Variants in ELP1 observed in about 807,000 individuals in gnomAD.
The protein encoded by ELP1 is elongator complex protein 1.
Under a neutral mutation model 183.2 loss-of-function variants are expected in ELP1, and 131 were observed. That is an observed-to-expected ratio of 0.72 (90% CI 0.62 to 0.83). The LOEUF (loss-of-function observed/expected upper bound fraction) is 0.83, where lower values mean the gene tolerates loss of function less well. ELP1 is among the 40% of genes least tolerant of loss of function. The pLI is 0.00. For missense variants in ELP1, 1,550 were observed against 1,594.9 expected (o/e 0.97, Z 0.48); for synonymous variants, 555 against 569.0 (o/e 0.98, Z 0.35).
chr9:108,887,494 G>T (rs994601871), intron 29 of ELP1, among the ~76,000 whole-genome samples: 1 of 152,138 alleles, frequency 6.6e-6, no homozygotes, highest in Non-Finnish European at 1.5e-5. Context: ...GTTTAGCAAG[G>T]TTGCAGGATA....
At chr9:108,870,078 C>T (rs761714049) in intron 36 of ELP1, among the ~76,000 whole-genome samples, 31 of 152,088 alleles carry the variant, frequency 2.0e-4, no homozygotes, top group Non-Finnish European at 3.7e-4. Context: ...TGGGTTCAAG[C>T]GATTCTCCTG....
rs1435349703 is a variant in ELP1 at position 108,932,940 on chromosome 9, T to C, written c.-56+924A>G. 3.3e-5 allele frequency among the ~76,000 whole-genome samples: 5 copies of C among 152,226 alleles called. No homozygotes were observed. The East Asian group carries it at 9.6e-4, about 29-fold the overall frequency. On this transcript the variant is annotated intron_variant, in intron 1 of 36. Transcript: ENST00000374647. ...CGTGGATTCTCTCTTAATTTCCTGA[T>C]AACTGCTTCATTTTCTTCCCTTGCT... is the stretch of plus-strand genomic sequence containing the variant.
intron 29 of ELP1, among the ~76,000 whole-genome samples, chr9:108,887,231 A>C (rs926749610): frequency 5.9e-5 from 9 of 152,136 alleles, no homozygotes; most frequent in Non-Finnish European, 1.2e-4. Flanking sequence ...ATATAGAATA[A>C]AATTTTAAAA....
At position 108,878,733 on chromosome 9, in the gene ELP1, C is replaced by T. The variant is rs886063345; in HGVS notation, c.3590G>A (p.Arg1197His). ...GTGCTTCTTCCGCTCCGCTTTTCGG[C>T]GATTCTTGGATGATCTCCTGTTAGA... ...SRISARSSKNRRKAERKKHSL... is the reference protein window; with the variant it reads ...SRISARSSKNHRKAERKKHSL... Residue 1197 changes from arginine to histidine, a missense_variant, in exon 34 of 37, where the codon CGC becomes CAC. By Grantham distance (29) the Arg-to-His change is conservative. Transcript: ENST00000374647. 5.0e-6 allele frequency: 8 copies of T among 1,614,012 alleles called. No homozygotes were observed. Among genetic ancestry groups the T allele is most frequent in the Non-Finnish European group, 6.8e-6 (8 of 1,180,034 alleles).
chr9:108,885,504 T>C (rs917585407), intron 29 of ELP1, among the ~76,000 whole-genome samples: 1 of 84,084 alleles, frequency 1.2e-5, no homozygotes, highest in Non-Finnish European at 2.4e-5. Flanking sequence ...CTAAAGTAAC[T>C]GAACTAATAG....
intron 36 of ELP1, among the ~76,000 whole-genome samples, chr9:108,870,423 T>C (rs1827405753): frequency 6.6e-6 from 1 of 152,220 alleles, no homozygotes; most frequent in Non-Finnish European, 1.5e-5. Flanking sequence ...AAAGAAAATA[T>C]TAAGAAAATC....
In ELP1 at chr9:108,868,842, C is replaced by T. The variant is rs990260057; in HGVS notation, c.*273G>A. The T allele has an allele frequency of 1.2e-5, 7 of 594,814 alleles. No individual in the cohort carries two copies. The highest frequency in any genetic ancestry group is 1.9e-5 in the African/African-American group (1 of 53,804). The allele number at this position is 594,814 out of a possible 1,614,324, so 36.8% of individuals were successfully genotyped here. A position where few individuals can be genotyped will look rare whatever the true frequency, so the allele number is the denominator to read the frequency against. On this transcript the variant is annotated 3_prime_UTR_variant, in exon 37 of 37. Coordinates refer to ENST00000374647, the MANE Select transcript of ELP1 (RefSeq NM_003640.5). ...TAATCTCATGATTACCATAATTATG[C>T]TCTCAAACAGCCCAAGTGAAAGAAC...
At chr9:108,888,409 T>C (rs1167433279) in intron 29 of ELP1, among the ~76,000 whole-genome samples, 1 of 152,250 alleles carries the variant, frequency 6.6e-6, no homozygotes, top group African/African-American at 2.4e-5. Flanking sequence ...ATGTAAATTA[T>C]ACAACTGTAC....
At chr9:108,917,203 C>T (rs1191174116) in intron 9 of ELP1, among the ~76,000 whole-genome samples, 1 of 152,190 alleles carries the variant, frequency 6.6e-6, no homozygotes, top group Non-Finnish European at 1.5e-5. Flanking sequence ...CGTGGTGGCT[C>T]ACGCCTGTAA....
At chr9:108,932,681 C>G (rs1830037250) in intron 1 of ELP1, among the ~76,000 whole-genome samples, 1 of 152,072 alleles carries the variant, frequency 6.6e-6, no homozygotes, top group South Asian at 2.1e-4. Flanking sequence ...CGCCTCAAAA[C>G]TAGTTTCTCT....
rs1442524577 is a variant in ELP1, at chr9:108,917,639, C to T, written c.772G>A (p.Asp258Asn). ...PSGSLIASTQ[D>N]KPNQQDIVFF... The stretch of plus-strand genomic sequence containing the variant: ...ACAATATCCTGCTGGTTGGGTTTAT[C>T]TTGTGTAGATGCAATCAAACTGCCT... Residue 258 changes from aspartate (D) to asparagine (N), a missense_variant, in exon 9 of 37, where the codon GAT becomes AAT. Transcript: ENST00000374647. 1 of 1,614,010 alleles carries T rather than the reference C, an allele frequency of 6.2e-7. No individual in the cohort carries two copies. Among genetic ancestry groups the T allele is most frequent in the African/African-American group, 1.3e-5 (1 of 75,014 alleles).
chr9:108,872,142 C>T (rs146404235), intron 36 of ELP1, among the ~76,000 whole-genome samples: 3 of 152,272 alleles, frequency 2.0e-5, no homozygotes, highest in East Asian at 1.9e-4. Context: ...AAAAAATACA[C>T]GACAATGCAA....
At chr9:108,892,465 G>A (rs573407568) in intron 27 of ELP1, among the ~76,000 whole-genome samples, 2 of 152,324 alleles carry the variant, frequency 1.3e-5, no homozygotes, top group East Asian at 3.9e-4. Context: ...TTAATGGCAT[G>A]GGCAGGGTGG....
At chr9:108,916,112 G>A (rs1040707963) in intron 10 of ELP1, 92 bp downstream of exon 10, 39 of 945,626 alleles carry the variant, frequency 4.1e-5, no homozygotes, top group Non-Finnish European at 8.8e-6. Context: ...TCTACTAAGG[G>A]ACTAAGTAGA....
intron 32 of ELP1, 49 bp downstream of exon 32, chr9:108,880,001 TAC>T: frequency 8.6e-7 from 1 of 1,159,302 alleles, no homozygotes; most frequent in Non-Finnish European, 1.3e-6. Flanking sequence ...TGTGTGGCGT[TAC>T]CCAACCCCAC....
At chr9:108,895,831 T>C (rs1290837747) in intron 25 of ELP1, among the ~76,000 whole-genome samples, 1 of 152,178 alleles carries the variant, frequency 6.6e-6, no homozygotes, top group Non-Finnish European at 1.5e-5. Context: ...CCTTCTGTGC[T>C]CCATGTGCCC....
Position 108,897,149 on chromosome 9 carries a change from T to TA in ELP1, c.2499dup (p.Lys834Ter), listed in dbSNP as rs767527819. 1.3e-5 allele frequency: 21 copies of TA among 1,614,150 alleles called. No homozygotes were observed. Among genetic ancestry groups the TA allele is most frequent in the Non-Finnish European group, 1.6e-5 (19 of 1,180,014 alleles). Reference sequence around the variant, plus strand: ...GCCACCTGGTGACAGCATACATACTTATGAGGATTTATGCTCTCCATGACT... The same window carrying TA: ...GCCACCTGGTGACAGCATACATACTTAATGAGGATTTATGCTCTCCATGACT... On this transcript the variant is annotated frameshift_variant and splice_region_variant, in exon 23 of 37. Transcript: ENST00000374647. LOFTEE classifies it high-confidence loss of function.
In ELP1 at chr9:108,891,424, A is replaced by G. The variant is rs753708299; in HGVS notation, c.2959-20T>C. Reference sequence around the variant, plus strand: ...GATATCCTGTGACAAGAGGAGATTTAGGACTGAGGAGGAAATATGACAATC... The same window carrying G: ...GATATCCTGTGACAAGAGGAGATTTGGGACTGAGGAGGAAATATGACAATC... On this transcript the variant is annotated intron_variant, in intron 27 of 36. Coordinates refer to ENST00000374647, the MANE Select transcript of ELP1 (RefSeq NM_003640.5). 1.2e-6 allele frequency: 2 copies of G among 1,601,788 alleles called. No homozygotes were observed. Among genetic ancestry groups the G allele is most frequent in the East Asian group, 4.5e-5 (2 of 44,830 alleles).
At chr9:108,910,167 T>A (rs566643480) in intron 12 of ELP1, among the ~76,000 whole-genome samples, 3 of 152,326 alleles carry the variant, frequency 2.0e-5, no homozygotes, top group East Asian at 1.9e-4. Context: ...CACTTTTTTT[T>A]AAAGCTATTT....
Sources: gnomAD v4.1 joint callset for allele counts (sites outside exome capture counted in the v4.1 genomes callset) on GRCh38, gnomAD v4.1.1 for gene constraint, MANE v1.5 for transcripts, NCBI Gene and HGNC (gene_info 2026-07-23, HGNC 2026-07-21) for gene names.